TRPC4: variants seen among roughly 807,000 people sequenced by gnomAD.
The protein encoded by TRPC4 is transient receptor potential cation channel subfamily C member 4, also known as short transient receptor potential channel 4.
Under a neutral mutation model 99.4 loss-of-function variants are expected in TRPC4, and 49 were observed. That is an observed-to-expected ratio of 0.49 (90% CI 0.39 to 0.63). TRPC4 has a LOEUF of 0.63. TRPC4 is among the 20% of genes least tolerant of loss of function. TRPC4 has a pLI of 0.00. For missense variants in TRPC4, 898 were observed against 1,152.9 expected (o/e 0.78, Z 3.20); for synonymous variants, 454 against 425.9 (o/e 1.07, Z -0.81).
rs143401635 is a variant in TRPC4, at chr13:37,709,022, T to C, written c.898-16687A>G. 1.8e-4 allele frequency among the ~76,000 whole-genome samples: 28 copies of C among 152,122 alleles called. No homozygotes were observed. The East Asian group carries it at 5.4e-3, about 30-fold the overall frequency. ...GTCATATCTGTACAATTTATAGGTC[T>C]TCCCAGAGAAGGAAATATCCACCTC... On this transcript the variant is annotated intron_variant, in intron 3 of 10. Coordinates refer to ENST00000379705, the MANE Select transcript of TRPC4 (RefSeq NM_016179.4).
chr13:37,817,872 T>A (rs530655665), intron 1 of TRPC4, among the ~76,000 whole-genome samples: 2 of 151,898 alleles, frequency 1.3e-5, no homozygotes, highest in Admixed American at 6.6e-5. Flanking sequence ...TTACACCATA[T>A]AGAAAAATCA....
At chr13:37,782,506 G>T (rs536633018) in intron 2 of TRPC4, among the ~76,000 whole-genome samples, 171 of 152,100 alleles carry the variant, frequency 1.1e-3, no homozygotes, top group African/African-American at 4.0e-3. Flanking sequence ...ACTCACTTTT[G>T]CAGTAAGCTG....
At chr13:37,858,695 A>G (rs1959194590) in intron 1 of TRPC4, among the ~76,000 whole-genome samples, 1 of 151,566 alleles carries the variant, frequency 6.6e-6, no homozygotes, top group African/African-American at 2.4e-5. Flanking sequence ...GACAAGTATT[A>G]TATGTTCTTA....
chr13:37,836,688 T>C (rs1310187332), intron 1 of TRPC4, among the ~76,000 whole-genome samples: 2 of 152,084 alleles, frequency 1.3e-5, no homozygotes, highest in East Asian at 3.9e-4. Context: ...AAAAGGAAAA[T>C]GGAGCCTAAA....
chr13:37,643,925 C>T (rs73456417), intron 8 of TRPC4, among the ~76,000 whole-genome samples: 5,143 of 152,156 alleles, frequency 0.034, 286 homozygotes, highest in African/African-American at 0.11. Flanking sequence ...TCTTGGGTCT[C>T]GGTCTTCACA....
At chr13:37,647,377 G>A (rs1951884844) in intron 8 of TRPC4, among the ~76,000 whole-genome samples, 1 of 152,162 alleles carries the variant, frequency 6.6e-6, no homozygotes, top group Non-Finnish European at 1.5e-5. Context: ...AAGGGCAGAA[G>A]GTAAACCAGC....
chr13:37,674,868 T>C (rs1390727484), intron 4 of TRPC4, among the ~76,000 whole-genome samples: 3 of 152,196 alleles, frequency 2.0e-5, no homozygotes, highest in African/African-American at 7.2e-5. Flanking sequence ...ATGATGGTTA[T>C]AGCATTCATG....
intron 1 of TRPC4, among the ~76,000 whole-genome samples, chr13:37,815,797 A>T (rs1282367594): frequency 6.6e-6 from 1 of 151,928 alleles, no homozygotes; most frequent in Non-Finnish European, 1.5e-5. Context: ...TTTCTACCCT[A>T]AAACAAAAGA....
chr13:37,864,525 T>G (rs1327448777), intron 1 of TRPC4, among the ~76,000 whole-genome samples: 2 of 151,700 alleles, frequency 1.3e-5, no homozygotes, highest in African/African-American at 4.8e-5. Context: ...GCTAAAAGTT[T>G]AGCCAAGTAC....
intron 2 of TRPC4, among the ~76,000 whole-genome samples, chr13:37,776,056 G>C (rs933006): frequency 6.6e-6 from 1 of 151,414 alleles, no homozygotes; most frequent in South Asian, 2.1e-4. Context: ...TAATAGTGCA[G>C]CATGATCCAT....
chr13:37,756,588 A>G (rs1231229471), intron 2 of TRPC4, among the ~76,000 whole-genome samples: 1 of 147,558 alleles, frequency 6.8e-6, no homozygotes, highest in Non-Finnish European at 1.5e-5. Context: ...GTTGGAGTGT[A>G]ATGGCATGAT....
At chr13:37,757,113 A>G (rs556671390) in intron 2 of TRPC4, among the ~76,000 whole-genome samples, 1 of 152,046 alleles carries the variant, frequency 6.6e-6, no homozygotes, top group South Asian at 2.1e-4. Context: ...ATGTGGTAAC[A>G]TGAATGCCTA....
intron 3 of TRPC4, among the ~76,000 whole-genome samples, chr13:37,698,939 C>A (rs921569694): frequency 6.6e-6 from 1 of 152,126 alleles, no homozygotes; most frequent in Non-Finnish European, 1.5e-5. Context: ...ACCCTATGCA[C>A]CACCATATGC....
chr13:37,859,032 T>C (rs2139708047), intron 1 of TRPC4, among the ~76,000 whole-genome samples: 1 of 151,358 alleles, frequency 6.6e-6, no homozygotes, highest in Non-Finnish European at 1.5e-5. Flanking sequence ...CATCAAAATA[T>C]CTCTTGTACC....
chr13:37,774,668 C>T (rs1011857538), intron 2 of TRPC4, among the ~76,000 whole-genome samples: 3 of 151,488 alleles, frequency 2.0e-5, no homozygotes, highest in South Asian at 2.1e-4. Context: ...CTCTACTTTT[C>T]GATATTTCCC....
chr13:37,740,824 G>C (rs958229907), intron 3 of TRPC4, among the ~76,000 whole-genome samples: 13 of 152,110 alleles, frequency 8.5e-5, no homozygotes, highest in Admixed American at 5.2e-4. Context: ...CCATGCCATG[G>C]ATAGTGTCTG....
chr13:37,794,528 C>G (rs1305048992), intron 1 of TRPC4, among the ~76,000 whole-genome samples: 1 of 152,054 alleles, frequency 6.6e-6, no homozygotes, highest in African/African-American at 2.4e-5. Flanking sequence ...AACATAGAAG[C>G]AACAACTTGA....
At chr13:37,814,284 C>T (rs962138789) in intron 1 of TRPC4, among the ~76,000 whole-genome samples, 1 of 151,608 alleles carries the variant, frequency 6.6e-6, no homozygotes, top group African/African-American at 2.4e-5. Context: ...GATGCCCACT[C>T]TCACCATTTC....
chr13:37,645,055 AG>A (rs36108417), intron 8 of TRPC4, among the ~76,000 whole-genome samples: 7,719 of 151,844 alleles, frequency 0.051, 357 homozygotes, highest in Admixed American at 0.13. Context: ...AGTTCTCCTT[AG>A]GTTGGCACTT....
Sources: gnomAD v4.1 joint callset for allele counts (sites outside exome capture counted in the v4.1 genomes callset) on GRCh38, gnomAD v4.1.1 for gene constraint, MANE v1.5 for transcripts, NCBI Gene and HGNC (gene_info 2026-07-23, HGNC 2026-07-21) for gene names.